The following CCSER1 variants were observed in gnomAD, a reference collection of about 807,000 sequenced individuals.
CCSER1 encodes the protein coiled-coil serine rich protein 1.
A neutral mutation model predicts 82.0 loss-of-function variants in CCSER1; 41 were observed. The observed-to-expected ratio is 0.50, with a 90% CI of 0.39 to 0.65. CCSER1 has a LOEUF of 0.65. CCSER1 is among the 30% of genes least tolerant of loss of function. The pLI is 0.00. For synonymous variants in CCSER1, 414 were observed against 383.9 expected (o/e 1.08, Z -0.92); for missense variants, 1,119 against 1,064.2 (o/e 1.05, Z -0.72).
chr4:90,136,508 G>A (rs781220369), intron 1 of CCSER1, among the ~76,000 whole-genome samples: 2 of 152,160 alleles, frequency 1.3e-5, no homozygotes, highest in Non-Finnish European at 2.9e-5. Flanking sequence ...CTCTTTCTTG[G>A]AAGCAAATAT....
intron 8 of CCSER1, among the ~76,000 whole-genome samples, chr4:90,825,068 A>G (rs1198377843): frequency 6.6e-6 from 1 of 152,186 alleles, no homozygotes; most frequent in Non-Finnish European, 1.5e-5. Context: ...AAAAGATACA[A>G]TCTTTAATAT....
chr4:90,309,799 C>T (rs1734977921), intron 2 of CCSER1, among the ~76,000 whole-genome samples, 191 bp downstream of exon 2: 1 of 151,998 alleles, frequency 6.6e-6, no homozygotes, highest in Non-Finnish European at 1.5e-5. Flanking sequence ...TTGTGTTATG[C>T]TGAAAATGTA....
At chr4:91,524,040 A>G (rs577804064) in intron 10 of CCSER1, among the ~76,000 whole-genome samples, 1 of 152,302 alleles carries the variant, frequency 6.6e-6, no homozygotes, top group Non-Finnish European at 1.5e-5. Flanking sequence ...CTGCCTTTTC[A>G]TTACTCTATT....
At chr4:90,406,148 T>C (rs1044265852) in intron 4 of CCSER1, among the ~76,000 whole-genome samples, 1 of 152,044 alleles carries the variant, frequency 6.6e-6, no homozygotes, top group African/African-American at 2.4e-5. Flanking sequence ...CACATGAACT[T>C]AAGATAAAGG....
chr4:91,170,795 C>T (rs998394997), intron 10 of CCSER1, among the ~76,000 whole-genome samples: 2 of 152,162 alleles, frequency 1.3e-5, no homozygotes, highest in African/African-American at 4.8e-5. Context: ...ACCTACCAAC[C>T]AGCAAGGAAC....
chr4:90,382,616 C>T (rs927671127), intron 3 of CCSER1, among the ~76,000 whole-genome samples: 2 of 151,972 alleles, frequency 1.3e-5, no homozygotes, highest in African/African-American at 2.4e-5. Context: ...ATGGGAAATT[C>T]TAATTTACAA....
intron 6 of CCSER1, among the ~76,000 whole-genome samples, chr4:90,717,822 T>C (rs961027066): frequency 6.6e-6 from 1 of 151,280 alleles, no homozygotes; most frequent in Non-Finnish European, 1.5e-5. Flanking sequence ...AGAGATGTTT[T>C]TCTGTGTCAC....
intron 8 of CCSER1, among the ~76,000 whole-genome samples, chr4:90,918,760 T>TAC (rs70963097): frequency 0.02 from 2,945 of 150,020 alleles, 37 homozygotes; most frequent in Non-Finnish European, 0.029. Context: ...GTGTGTAAAA[T>TAC]ACACACACAC....
At chr4:90,572,573 G>A (rs570102771) in intron 5 of CCSER1, among the ~76,000 whole-genome samples, 4 of 150,412 alleles carry the variant, frequency 2.7e-5, no homozygotes, top group Non-Finnish European at 5.9e-5. Flanking sequence ...TTGAGCGCAC[G>A]TTATTATTAT....
At chr4:91,002,980 G>A (rs1738175381) in intron 9 of CCSER1, among the ~76,000 whole-genome samples, 2 of 152,156 alleles carry the variant, frequency 1.3e-5, no homozygotes. Context: ...CTAGGGATGT[G>A]GCTTCCTGTG....
chr4:91,043,146 A>C (rs554649470), intron 9 of CCSER1, among the ~76,000 whole-genome samples: 2 of 150,536 alleles, frequency 1.3e-5, no homozygotes, highest in Non-Finnish European at 2.9e-5. Context: ...AAAACAAAGA[A>C]AATAAAAATA....
chr4:91,476,107 G>T (rs143916953), intron 10 of CCSER1, among the ~76,000 whole-genome samples: 1,693 of 151,906 alleles, frequency 0.011, 29 homozygotes, highest in African/African-American at 0.039. Context: ...ATATGGAAGT[G>T]CAGGTATTGC....
chr4:90,196,467 C>T (rs767974678), intron 1 of CCSER1, among the ~76,000 whole-genome samples: 6 of 151,948 alleles, frequency 3.9e-5, no homozygotes, highest in Admixed American at 6.6e-5. Flanking sequence ...GGGGCCAGCC[C>T]ACATCAAAAT....
intron 10 of CCSER1, among the ~76,000 whole-genome samples, chr4:91,514,623 T>C (rs1414876452): frequency 1.0e-5 from 1 of 98,554 alleles, no homozygotes; most frequent in African/African-American, 3.4e-5. Flanking sequence ...TGAATCTGGG[T>C]TCAAAAATAG....
chr4:91,465,125 T>C (rs1214730790), intron 10 of CCSER1, among the ~76,000 whole-genome samples: 1 of 151,964 alleles, frequency 6.6e-6, no homozygotes, highest in Non-Finnish European at 1.5e-5. Flanking sequence ...CCTCAGCAAA[T>C]GGAAAAGAAC....
intron 3 of CCSER1, among the ~76,000 whole-genome samples, chr4:90,349,628 A>G (rs1346246371): frequency 6.6e-6 from 1 of 151,604 alleles, no homozygotes; most frequent in Non-Finnish European, 1.5e-5. Flanking sequence ...CACGTATTTC[A>G]TTTTCTTCTT....
chr4:91,008,542 C>T (rs1372600654), intron 9 of CCSER1, among the ~76,000 whole-genome samples: 1 of 152,164 alleles, frequency 6.6e-6, no homozygotes, highest in East Asian at 1.9e-4. Context: ...TTGATTACCA[C>T]TTGCATGGGT....
chr4:91,417,182 A>G (rs1353606262), intron 10 of CCSER1, among the ~76,000 whole-genome samples: 2 of 152,138 alleles, frequency 1.3e-5, no homozygotes, highest in Non-Finnish European at 2.9e-5. Context: ...AGTGAGTATG[A>G]TGATTATTAA....
At chr4:91,510,170 G>C (rs1759744333) in intron 10 of CCSER1, among the ~76,000 whole-genome samples, 1 of 152,104 alleles carries the variant, frequency 6.6e-6, no homozygotes, top group Non-Finnish European at 1.5e-5. Flanking sequence ...CATCCATGTT[G>C]CTGCAAAGGA....
Sources: allele counts gnomAD v4.1 joint callset (sites outside exome capture counted in the v4.1 genomes callset), GRCh38; gene constraint gnomAD v4.1.1; transcripts MANE v1.5; gene names NCBI Gene and HGNC (gene_info 2026-07-23, HGNC 2026-07-21).